Variants in DOCK3 observed in about 807,000 individuals in gnomAD.
The protein encoded by DOCK3 is dedicator of cytokinesis protein 3.
DOCK3 carries 60 observed loss-of-function variants against 265.6 expected under a neutral mutation model. The ratio of observed to expected loss-of-function variants is 0.23; its 90% CI spans 0.18 to 0.28. The LOEUF is 0.28. DOCK3 is among the 10% of genes least tolerant of loss of function. The pLI is 1.00. For synonymous variants in DOCK3, 881 were observed against 938.0 expected (o/e 0.94, Z 1.11); for missense variants, 1,981 against 2,594.3 (o/e 0.76, Z 5.14).
chr3:50,834,507 A>C (rs777240094), intron 2 of DOCK3, among the ~76,000 whole-genome samples: 22 of 152,162 alleles, frequency 1.4e-4, no homozygotes, highest in Non-Finnish European at 2.4e-4. Flanking sequence ...AGAAAGCCAA[A>C]CACCATTTCA....
At chr3:51,298,546 C>T (rs951649034) in intron 27 of DOCK3, among the ~76,000 whole-genome samples, 4 of 152,136 alleles carry the variant, frequency 2.6e-5, no homozygotes, top group Non-Finnish European at 4.4e-5. Context: ...AGCTATTTTT[C>T]GTAATGCTCT....
At chr3:51,375,645 C>T (rs1315312884) in intron 50 of DOCK3, 103 bp from the exon 51 acceptor site, 2 of 1,318,878 alleles carry the variant, frequency 1.5e-6, no homozygotes, top group Non-Finnish European at 2.2e-6. Flanking sequence ...TTTGTTTTCC[C>T]CGTCTGATCT....
At chr3:51,140,753 A>G (rs1383576570) in intron 9 of DOCK3, among the ~76,000 whole-genome samples, 1 of 152,098 alleles carries the variant, frequency 6.6e-6, no homozygotes, top group Non-Finnish European at 1.5e-5. Flanking sequence ...TTTCCTTGTC[A>G]GCACTTATGA....
intron 21 of DOCK3, among the ~76,000 whole-genome samples, chr3:51,240,221 G>A (rs1466548255): frequency 6.6e-6 from 1 of 152,178 alleles, no homozygotes; most frequent in Non-Finnish European, 1.5e-5. Flanking sequence ...TTATTCAGGA[G>A]CAAGTTATTG....
Position 50,675,665 on chromosome 3 carries a change from T to A in DOCK3, c.37+365T>A, listed in dbSNP as rs577523557. Among the ~76,000 whole-genome samples the A allele has an allele frequency of 1.3e-5, 2 of 152,326 alleles. No homozygotes were observed. Among genetic ancestry groups the A allele is most frequent in the Non-Finnish European group, 2.9e-5 (2 of 68,018 alleles). On this transcript the variant is annotated intron_variant, in intron 1 of 52. Transcript: ENST00000266037. The surrounding 1 kb of genome is among the most constrained non-coding windows in gnomAD (Gnocchi z 6.1). ...CTCCCCTCCAAAAGCTCGATTTTAA[T>A]GAGTTTCCGCACCTGAATTGATGAG...
At chr3:51,105,524 T>C (rs576193090) in intron 9 of DOCK3, among the ~76,000 whole-genome samples, 3 of 152,298 alleles carry the variant, frequency 2.0e-5, no homozygotes, top group South Asian at 4.1e-4. Context: ...AACAGGAGAA[T>C]TGATAAATAA....
intron 20 of DOCK3, among the ~76,000 whole-genome samples, chr3:51,237,073 C>A (rs1389223948): frequency 6.6e-6 from 1 of 152,182 alleles, no homozygotes; most frequent in Non-Finnish European, 1.5e-5. Context: ...CCACCAGCCC[C>A]ATTTCTGAAG....
chr3:50,770,706 G>T (rs185444034), intron 1 of DOCK3, among the ~76,000 whole-genome samples: 3 of 152,012 alleles, frequency 2.0e-5, no homozygotes, highest in Admixed American at 1.3e-4. Flanking sequence ...ACATATAGAC[G>T]CATAGACCAA....
At chr3:51,100,665 A>G (rs902932025) in intron 9 of DOCK3, among the ~76,000 whole-genome samples, 2 of 152,254 alleles carry the variant, frequency 1.3e-5, no homozygotes, top group Non-Finnish European at 2.9e-5. Context: ...AAAAATACTA[A>G]TTCTCTTCAG....
intron 27 of DOCK3, among the ~76,000 whole-genome samples, chr3:51,307,469 T>C (rs1339998439): frequency 6.6e-6 from 1 of 152,198 alleles, no homozygotes; most frequent in East Asian, 1.9e-4. Context: ...AAAGTCTCCA[T>C]GCAGTTAGTT....
chr3:51,239,014 A>T (rs2078472282), intron 21 of DOCK3, among the ~76,000 whole-genome samples: 1 of 152,066 alleles, frequency 6.6e-6, no homozygotes, highest in Non-Finnish European at 1.5e-5. Context: ...TTCTGTTTTT[A>T]CGTCTTTGAG....
rs996738309 is a variant in DOCK3 at position 50,727,569 on chromosome 3, G to A, written c.38-51106G>A. ...AAAAATTAGCTGGGTGTGGTGGCAC[G>A]TGCCTATAATCCCAGATACTCGGGA... On this transcript the variant is annotated intron_variant, in intron 1 of 52. Transcript: ENST00000266037. Among the ~76,000 whole-genome samples the A allele has an allele frequency of 3.9e-5, 6 of 152,066 alleles. No individual in the cohort carries two copies. In the East Asian group the frequency reaches 5.8e-4, roughly 15 times the overall value.
At chr3:51,235,208 T>TA (rs2078302297) in intron 19 of DOCK3, among the ~76,000 whole-genome samples, 1 of 152,244 alleles carries the variant, frequency 6.6e-6, no homozygotes, top group South Asian at 2.1e-4. Context: ...CAGATTATCA[T>TA]AAAAATTTTT....
intron 5 of DOCK3, among the ~76,000 whole-genome samples, chr3:51,030,363 T>C (rs1191802539): frequency 6.6e-6 from 1 of 152,204 alleles, no homozygotes; most frequent in African/African-American, 2.4e-5. Flanking sequence ...TGAAAAATTA[T>C]AGAGGCTTTG....
At chr3:50,738,836 A>C (rs1333574212) in intron 1 of DOCK3, among the ~76,000 whole-genome samples, 3 of 152,020 alleles carry the variant, frequency 2.0e-5, no homozygotes, top group Non-Finnish European at 2.9e-5. Flanking sequence ...TGTTTGTGTT[A>C]ATTTTCTAGG....
chr3:51,221,762 C>T (rs993508088), intron 14 of DOCK3, among the ~76,000 whole-genome samples: 3 of 152,196 alleles, frequency 2.0e-5, no homozygotes, highest in Non-Finnish European at 4.4e-5. Context: ...CCTTAGGAAG[C>T]AGAGGGCACT....
rs979722343 is a variant in DOCK3, at chr3:51,089,854, A to G, written c.592-376A>G. 1.5e-4 allele frequency among the ~76,000 whole-genome samples: 22 copies of G among 145,490 alleles called. No individual in the cohort carries two copies. The Admixed American group carries it at 1.5e-3, about 10-fold the overall frequency. On this transcript the variant is annotated intron_variant, in intron 8 of 52. Transcript: ENST00000266037. ...GAGTAGAGTGCAGTGAGCCGAGATCATGCTACTGCACTCCAGTCTGGGTGA... is the reference window on the plus strand; with the variant it reads ...GAGTAGAGTGCAGTGAGCCGAGATCGTGCTACTGCACTCCAGTCTGGGTGA...
Position 51,064,482 on chromosome 3 carries a change from A to G in DOCK3, c.350A>G (p.His117Arg). The G allele has an allele frequency of 2.5e-6, 4 of 1,614,010 alleles. No individual in the cohort carries two copies. Among genetic ancestry groups the G allele is most frequent in the Non-Finnish European group, 3.4e-6 (4 of 1,179,878 alleles). The change falls in exon 6 of 53, where the codon CAT becomes CGT. Residue 117 changes from histidine to arginine, a missense_variant. His to Arg is a conservative substitution (Grantham distance 29). Transcript: ENST00000266037. ...HKVDLFYKLR[H>R]VMNELIDLRR... Reference sequence around the variant, plus strand: ...GTAGATCTTTTCTACAAACTACGCCATGTGATGAATGAACTTATTGACCTG... The same window carrying G: ...GTAGATCTTTTCTACAAACTACGCCGTGTGATGAATGAACTTATTGACCTG...
intron 1 of DOCK3, among the ~76,000 whole-genome samples, chr3:50,745,736 C>G (rs1458901074): frequency 2.0e-5 from 3 of 152,212 alleles, no homozygotes; most frequent in Admixed American, 2.0e-4. Context: ...GCAAAGATAG[C>G]TGGTTTGCAT....
Sources: gnomAD v4.1 joint callset for allele counts (sites outside exome capture counted in the v4.1 genomes callset) on GRCh38, gnomAD v4.1.1 for gene constraint, Gnocchi (gnomAD v3.1) non-coding constraint, MANE v1.5 for transcripts, NCBI Gene and HGNC (gene_info 2026-07-23, HGNC 2026-07-21) for gene names.